RPS6KA5: variants seen among roughly 807,000 people sequenced by gnomAD.
RPS6KA5 encodes ribosomal protein S6 kinase alpha-5.
Under a neutral mutation model 85.5 loss-of-function variants are expected in RPS6KA5, and 27 were observed. The observed-to-expected ratio is 0.32, with a 90% CI of 0.23 to 0.44. The LOEUF (loss-of-function observed/expected upper bound fraction) is 0.44. Ranked by LOEUF, RPS6KA5 falls within the 20% of genes least tolerant of loss-of-function variation. RPS6KA5 has a pLI of 1.00. For missense variants in RPS6KA5, 811 were observed against 980.9 expected (o/e 0.83, Z 2.31); for synonymous variants, 334 against 348.2 (o/e 0.96, Z 0.46).
intron 7 of RPS6KA5, among the ~76,000 whole-genome samples, chr14:90,919,315 C>A (rs1034888615): frequency 1.3e-5 from 2 of 152,184 alleles, no homozygotes; most frequent in African/African-American, 4.8e-5. Flanking sequence ...GAACACTGTC[C>A]TTCACTTCCA....
At position 90,885,741 on chromosome 14, in the gene RPS6KA5, C is replaced by CAAA. The variant is rs11312699; in HGVS notation, c.1836+4743_1836+4745dup. On this transcript the variant is annotated intron_variant, in intron 14 of 16. Transcript: ENST00000614987. Reference sequence around the variant, plus strand: ...TGGGTGACAGAGCAAGACTCCATCTCAAAAAAAAAAAAAAAAAAAAAAAAA... The same window carrying CAAA: ...TGGGTGACAGAGCAAGACTCCATCTCAAAAAAAAAAAAAAAAAAAAAAAAAAAA... Among the ~76,000 whole-genome samples the CAAA allele has an allele frequency of 5.0e-3, 139 of 27,884 alleles. 2 individuals carry two copies. The highest frequency in any genetic ancestry group is 9.2e-3 in the African/African-American group (52 of 5,640). 18.3% of individuals were successfully genotyped at this position (27,884 alleles called of 152,430 possible). A position where few individuals can be genotyped will look rare whatever the true frequency, so the allele number is the denominator to read the frequency against.
Position 90,943,275 on chromosome 14 carries a change from T to A in RPS6KA5, c.511-90A>T, listed in dbSNP as rs10135813. 1.3e-3 allele frequency: 1,007 copies of A among 750,676 alleles called. 8 individuals are homozygous for A. The highest frequency in any genetic ancestry group is 8.3e-3 in the South Asian group (419 of 50,768). The allele number at this position is 750,676 out of a possible 1,614,324, so 46.5% of individuals were successfully genotyped here. A position where few individuals can be genotyped will look rare whatever the true frequency, so the allele number is the denominator to read the frequency against. ...CTCGTCTACCTTTATTTATTTATTTTTTTTTTTAAGGCATTTCCCTCCTCA... is the reference window on the plus strand; with the variant it reads ...CTCGTCTACCTTTATTTATTTATTTATTTTTTTAAGGCATTTCCCTCCTCA... On this transcript the variant is annotated intron_variant, in intron 4 of 16. Transcript: ENST00000614987.
chr14:90,887,141 G>C (rs1395120074), intron 14 of RPS6KA5, among the ~76,000 whole-genome samples: 1 of 151,958 alleles, frequency 6.6e-6, no homozygotes, highest in Admixed American at 6.6e-5. Flanking sequence ...TATTATTTTT[G>C]TTCATTTTCA....
chr14:90,925,170 T>C (rs2036590688), intron 5 of RPS6KA5, among the ~76,000 whole-genome samples: 1 of 152,126 alleles, frequency 6.6e-6, no homozygotes, highest in South Asian at 2.1e-4. Context: ...GGTAGGCATA[T>C]GACCTAGTGC....
At chr14:90,893,704 CATT>C (rs1306558627) in intron 13 of RPS6KA5, among the ~76,000 whole-genome samples, 2 of 152,042 alleles carry the variant, frequency 1.3e-5, no homozygotes, top group African/African-American at 4.8e-5. Context: ...GATGAGTCAT[CATT>C]ATCTTTTTAT....
Position 90,857,168 on chromosome 14 carries a change from A to C in RPS6KA5, c.*14906T>G, listed in dbSNP as rs1294930350. 3 of 152,256 alleles carry C rather than the reference A, an allele frequency of 2.0e-5. No homozygotes were observed. The highest frequency in any genetic ancestry group is 4.8e-5 in the African/African-American group (2 of 41,470). 9.4% of individuals were successfully genotyped at this position (152,256 alleles called of 1,614,324 possible). On this transcript the variant is annotated 3_prime_UTR_variant, in exon 17 of 17. Transcript: ENST00000614987. ...CTGGAATACGTCTTTGTAATAAAAA[A>C]AAATCCACTGGATAAAGTTTCAAAA...
At chr14:90,968,061 G>A (rs2140443275) in intron 3 of RPS6KA5, among the ~76,000 whole-genome samples, 1 of 152,268 alleles carries the variant, frequency 6.6e-6, no homozygotes, top group South Asian at 2.1e-4. Flanking sequence ...CTCGAAGTCT[G>A]ACATGGACAT....
At chr14:91,029,267 C>G (rs1195784110) in intron 1 of RPS6KA5, among the ~76,000 whole-genome samples, 1 of 152,086 alleles carries the variant, frequency 6.6e-6, no homozygotes, top group Non-Finnish European at 1.5e-5. Context: ...TTTTCTAAAA[C>G]TTTTTAAAAA....
chr14:91,004,883 G>A (rs2040946284), intron 1 of RPS6KA5, among the ~76,000 whole-genome samples: 1 of 151,882 alleles, frequency 6.6e-6, no homozygotes, highest in Admixed American at 6.6e-5. Flanking sequence ...CAGGAGAATG[G>A]CCTGAACCCG....
intron 13 of RPS6KA5, chr14:90,894,068 A>C (rs2034701113): frequency 1.0e-6 from 1 of 955,154 alleles, no homozygotes; most frequent in South Asian, 4.8e-5. Flanking sequence ...TTTGGAAAAA[A>C]AACCCTCTAA....
chr14:90,906,341 CAAAAA>C, intron 7 of RPS6KA5, 42 bp from the exon 8 acceptor site: 8 of 1,158,992 alleles, frequency 6.9e-6, no homozygotes, highest in South Asian at 2.0e-5. Flanking sequence ...AACAGGATGA[CAAAAA>C]AAAAAAAAAG....
rs2032160537 is a variant in RPS6KA5, at chr14:90,854,213, T to C, written c.*17861A>G. The C allele has an allele frequency of 7.9e-6, 1 of 125,930 alleles. No homozygotes were observed. Among genetic ancestry groups the C allele is most frequent in the Admixed American group, 7.1e-5 (1 of 14,146 alleles). 7.8% of individuals were successfully genotyped at this position (125,930 alleles called of 1,614,324 possible). A position where few individuals can be genotyped will look rare whatever the true frequency, so the allele number is the denominator to read the frequency against. ...GATGTATGAAGATTTGACATTGTAATTTATAATTCCTAAGTAATTATTAAA... is the reference window on the plus strand; with the variant it reads ...GATGTATGAAGATTTGACATTGTAACTTATAATTCCTAAGTAATTATTAAA... On this transcript the variant is annotated 3_prime_UTR_variant, in exon 17 of 17. Transcript: ENST00000614987.
At chr14:91,009,872 G>C (rs1211298877) in intron 1 of RPS6KA5, among the ~76,000 whole-genome samples, 1 of 152,130 alleles carries the variant, frequency 6.6e-6, no homozygotes, top group African/African-American at 2.4e-5. Context: ...TGATTACCTA[G>C]AGTTATGAGG....
intron 1 of RPS6KA5, among the ~76,000 whole-genome samples, chr14:91,046,200 C>G (rs1349496639): frequency 6.6e-6 from 1 of 152,134 alleles, no homozygotes; most frequent in Admixed American, 6.5e-5. Flanking sequence ...GCGTGGCAGC[C>G]AGGTCTAATA....
rs748448128 is a variant in RPS6KA5 at position 91,060,446 on chromosome 14, T to A, written c.-12A>T. On this transcript the variant is annotated 5_prime_UTR_variant, in exon 1 of 17. Transcript: ENST00000614987. ...CCCTCCTCCTCCATCTTCTCCTTTT[T>A]TTCCGATCCCGCGGGTCGCTACGAG... The A allele has an allele frequency of 1.4e-6, 2 of 1,453,418 alleles. No individual in the cohort carries two copies. Among genetic ancestry groups the A allele is most frequent in the South Asian group, 2.9e-5 (2 of 69,954 alleles). 90.0% of individuals were successfully genotyped at this position (1,453,418 alleles called of 1,614,324 possible). A position where few individuals can be genotyped will look rare whatever the true frequency, so the allele number is the denominator to read the frequency against.
chr14:90,926,969 C>T (rs763703445), intron 5 of RPS6KA5, among the ~76,000 whole-genome samples: 3 of 151,868 alleles, frequency 2.0e-5, no homozygotes, highest in Non-Finnish European at 4.4e-5. Flanking sequence ...GTAATAACTG[C>T]ACAGTAATGA....
intron 3 of RPS6KA5, among the ~76,000 whole-genome samples, chr14:90,953,034 G>A (rs766784593): frequency 6.6e-5 from 10 of 152,160 alleles, no homozygotes; most frequent in South Asian, 2.1e-4. Context: ...AGAATCCTGC[G>A]TCAAAACCAA....
intron 7 of RPS6KA5, among the ~76,000 whole-genome samples, chr14:90,912,125 C>T (rs1316635785): frequency 1.3e-5 from 2 of 152,192 alleles, no homozygotes; most frequent in East Asian, 3.8e-4. Flanking sequence ...AGCACTCAGA[C>T]ATTTGTCAAA....
At chr14:90,883,803 T>A (rs2034009157) in intron 14 of RPS6KA5, among the ~76,000 whole-genome samples, 1 of 152,232 alleles carries the variant, frequency 6.6e-6, no homozygotes, top group African/African-American at 2.4e-5. Flanking sequence ...TGTTTTTGTT[T>A]ATTGCTTTTC....
Sources: allele counts gnomAD v4.1 joint callset (sites outside exome capture counted in the v4.1 genomes callset), GRCh38; gene constraint gnomAD v4.1.1; transcripts MANE v1.5; gene names NCBI Gene and HGNC (gene_info 2026-07-23, HGNC 2026-07-21).